KDM4C: variants seen among roughly 807,000 people sequenced by gnomAD.
The protein encoded by KDM4C is lysine demethylase 4C, also known as lysine-specific demethylase 4C.
KDM4C carries 81 observed loss-of-function variants against 129.3 expected under a neutral mutation model. That is an observed-to-expected ratio of 0.63 (90% CI 0.52 to 0.75). The LOEUF is 0.75. Ranked by LOEUF, KDM4C falls within the 30% of genes least tolerant of loss-of-function variation. The pLI is 0.00. For synonymous variants in KDM4C, 573 were observed against 456.1 expected, an observed-to-expected ratio of 1.26 and a Z score of -3.26; for missense variants, 1,457 against 1,304.0, an observed-to-expected ratio of 1.12 and a Z score of -1.81.
At chr9:7,045,442 G>A (rs1355315245) in intron 15 of KDM4C, among the ~76,000 whole-genome samples, 1 of 151,852 alleles carries the variant, frequency 6.6e-6, no homozygotes, top group Non-Finnish European at 1.5e-5. Context: ...CTCTTTCTCT[G>A]TAGAAAGTGT....
chr9:6,820,458 G>T (rs1232716145), intron 4 of KDM4C, among the ~76,000 whole-genome samples: 1 of 152,172 alleles, frequency 6.6e-6, no homozygotes, highest in African/African-American at 2.4e-5. Context: ...CTGTGGTCCT[G>T]GGTCGTGGAT....
chr9:6,907,054 A>G (rs1818445323), intron 8 of KDM4C, among the ~76,000 whole-genome samples: 3 of 152,222 alleles, frequency 2.0e-5, no homozygotes, highest in South Asian at 4.1e-4. Context: ...TATTGTGAAA[A>G]TATGCTTACA....
intron 5 of KDM4C, among the ~76,000 whole-genome samples, chr9:6,856,089 G>C (rs913482307): frequency 6.6e-6 from 1 of 151,948 alleles, no homozygotes; most frequent in Non-Finnish European, 1.5e-5. Flanking sequence ...ACAGCATTTG[G>C]CATGAGCCTG....
At chr9:7,034,194 T>C (rs889026102) in intron 15 of KDM4C, among the ~76,000 whole-genome samples, 8 of 152,234 alleles carry the variant, frequency 5.3e-5, no homozygotes, top group African/African-American at 1.7e-4. Flanking sequence ...CAAACATTTA[T>C]CATTTCTTGA....
chr9:6,737,018 T>A (rs1025352618), intron 1 of KDM4C, among the ~76,000 whole-genome samples: 4 of 124,982 alleles, frequency 3.2e-5, no homozygotes, highest in African/African-American at 1.3e-4. Context: ...ACCACTACAT[T>A]CCAGACTGGG....
intron 19 of KDM4C, among the ~76,000 whole-genome samples, chr9:7,145,216 C>A (rs564691599): frequency 6.6e-6 from 1 of 152,164 alleles, no homozygotes; most frequent in Non-Finnish European, 1.5e-5. Flanking sequence ...AAGCTAACTA[C>A]GTGTCTGCGT....
intron 2 of KDM4C, among the ~76,000 whole-genome samples, chr9:6,794,164 A>G (rs1193995630): frequency 6.6e-6 from 1 of 152,198 alleles, no homozygotes; most frequent in Non-Finnish European, 1.5e-5. Flanking sequence ...TGTGCCAGAC[A>G]CTATGCCAGG....
In KDM4C at chr9:7,169,862, AGT is replaced by A; in HGVS notation, c.2967_2968del (p.Glu989AspfsTer14). 1 of 1,614,002 alleles carries A rather than the reference AGT, an allele frequency of 6.2e-7. No individual in the cohort carries two copies. The highest frequency in any genetic ancestry group is 8.5e-7 in the Non-Finnish European group (1 of 1,179,864). On this transcript the variant is annotated frameshift_variant, in exon 21 of 22. Transcript: ENST00000381309. LOFTEE classifies it high-confidence loss of function. ...GAGGACATCTACACTTTAGATGAAGAGTTACCCAAGAGAGTGAAAGCTCGATT... is the reference window on the plus strand; with the variant it reads ...GAGGACATCTACACTTTAGATGAAGATACCCAAGAGAGTGAAAGCTCGATT...
At chr9:6,732,343 T>G (rs368206347) in intron 1 of KDM4C, among the ~76,000 whole-genome samples, 1,957 of 112,220 alleles carry the variant, frequency 0.017, 48 homozygotes, top group African/African-American at 0.063. Context: ...CCAGCCTGGG[T>G]GACAGAGCAA....
intron 1 of KDM4C, among the ~76,000 whole-genome samples, chr9:6,751,184 G>A (rs1026496321): frequency 2.0e-5 from 3 of 152,224 alleles, no homozygotes; most frequent in South Asian, 2.1e-4. Context: ...GGTGTCTCAC[G>A]CCTGTAATCC....
chr9:6,772,619 C>T (rs1822108383), intron 1 of KDM4C, among the ~76,000 whole-genome samples: 1 of 152,060 alleles, frequency 6.6e-6, no homozygotes, highest in Non-Finnish European at 1.5e-5. Context: ...CCTCGGCCTC[C>T]CAAAGTGCTG....
intron 3 of KDM4C, 133 bp downstream of exon 3, chr9:6,805,907 T>G: frequency 1.4e-6 from 1 of 728,300 alleles, no homozygotes; most frequent in Non-Finnish European, 2.1e-6. Context: ...TTCATTGAAC[T>G]GTTTCTGTTT....
intron 17 of KDM4C, among the ~76,000 whole-genome samples, chr9:7,103,423 T>C (rs571976804): frequency 6.6e-6 from 1 of 152,306 alleles, no homozygotes; most frequent in East Asian, 1.9e-4. Context: ...TGTGCGAAAG[T>C]GTTTGGCTTT....
intron 8 of KDM4C, among the ~76,000 whole-genome samples, chr9:6,934,924 C>G (rs987827741): frequency 4.7e-5 from 7 of 150,338 alleles, no homozygotes; most frequent in African/African-American, 1.7e-4. Context: ...TTTCTTTATT[C>G]TCAACCATGT....
chr9:6,999,140 T>C (rs2132014910), intron 12 of KDM4C, among the ~76,000 whole-genome samples: 1 of 152,352 alleles, frequency 6.6e-6, no homozygotes, highest in East Asian at 1.9e-4. Flanking sequence ...TAGAATTGGC[T>C]GTTGCCCTTT....
intron 6 of KDM4C, among the ~76,000 whole-genome samples, chr9:6,880,510 T>G (rs1413288857): frequency 3.3e-5 from 5 of 151,940 alleles, no homozygotes; most frequent in Admixed American, 2.0e-4. Context: ...GTTATGTCAC[T>G]GCCGACGCCC....
intron 4 of KDM4C, among the ~76,000 whole-genome samples, chr9:6,840,471 A>ACTGTAACCT (rs1836713653): frequency 6.6e-6 from 1 of 151,760 alleles, no homozygotes; most frequent in Non-Finnish European, 1.5e-5. Flanking sequence ...ATCTTGGCTC[A>ACTGTAACCT]CTGTAACCTC....
chr9:7,057,816 C>G (rs974763076), intron 17 of KDM4C, among the ~76,000 whole-genome samples: 3 of 152,206 alleles, frequency 2.0e-5, no homozygotes, highest in South Asian at 2.1e-4. Flanking sequence ...CCAACTTCCC[C>G]TGCAGTTATT....
chr9:6,777,553 T>C (rs1318480949), intron 1 of KDM4C, among the ~76,000 whole-genome samples: 1 of 152,182 alleles, frequency 6.6e-6, no homozygotes, highest in Non-Finnish European at 1.5e-5. Flanking sequence ...GTGTTTTACA[T>C]TTTTGAGATT....
Sources: gnomAD v4.1 joint callset for allele counts (sites outside exome capture counted in the v4.1 genomes callset) on GRCh38, gnomAD v4.1.1 for gene constraint, MANE v1.5 for transcripts, NCBI Gene and HGNC (gene_info 2026-07-23, HGNC 2026-07-21) for gene names.